Variants in ELOVL5 observed in about 807,000 individuals in gnomAD.
ELOVL5 encodes the protein ELOVL fatty acid elongase 5, also known as very long chain fatty acid elongase 5.
In ELOVL5, 8 loss-of-function variants were observed where a neutral mutation model predicts 38.6. The observed-to-expected ratio is 0.21, with a 90% CI of 0.12 to 0.37. The LOEUF (loss-of-function observed/expected upper bound fraction) is 0.37, where lower values mean the gene tolerates loss of function less well. Among genes scored for constraint, ELOVL5 ranks in the 10% least tolerant of loss-of-function variants. The pLI is 1.00. For synonymous variants in ELOVL5, 127 were observed against 133.7 expected, an observed-to-expected ratio of 0.95 and a Z score of 0.34; for missense variants, 280 against 367.8, an observed-to-expected ratio of 0.76 and a Z score of 1.95.
At chr6:53,273,191 G>T in intron 6 of ELOVL5, 29 bp downstream of exon 6, 1 of 1,612,278 alleles carries the variant, frequency 6.2e-7, no homozygotes, top group Non-Finnish European at 8.5e-7. Context: ...CAGGAAGTAA[G>T]TCCTGGGGAA....
At position 53,275,278 on chromosome 6, in the gene ELOVL5, A is replaced by G; in HGVS notation, c.325-17T>C. 1 of 1,613,302 alleles carries G rather than the reference A, an allele frequency of 6.2e-7. No homozygotes were observed. Among genetic ancestry groups the G allele is most frequent in the Non-Finnish European group, 8.5e-7 (1 of 1,179,250 alleles). Reference sequence around the variant, plus strand: ...ACGGATAATCTAAGAGGAAAGGGTCAAAGATTTAAGGCTTATCCTCACGGC... The same window carrying G: ...ACGGATAATCTAAGAGGAAAGGGTCGAAGATTTAAGGCTTATCCTCACGGC... On this transcript the variant is annotated splice_polypyrimidine_tract_variant and intron_variant, in intron 4 of 7. Transcript: ENST00000304434.
At chr6:53,274,571 C>T (rs996147105) in intron 5 of ELOVL5, among the ~76,000 whole-genome samples, 1 of 152,178 alleles carries the variant, frequency 6.6e-6, no homozygotes, top group African/African-American at 2.4e-5. Context: ...TTTCCAAAAA[C>T]CAAGTACAAC....
chr6:53,295,781 A>T, intron 1 of ELOVL5, 74 bp from the exon 2 acceptor site: 1 of 949,148 alleles, frequency 1.1e-6, no homozygotes, highest in Non-Finnish European at 1.5e-6. Flanking sequence ...TCATAAAAGA[A>T]TAAATTCTTT....
chr6:53,330,361 T>C (rs1001655690), intron 1 of ELOVL5, among the ~76,000 whole-genome samples: 2 of 152,174 alleles, frequency 1.3e-5, no homozygotes, highest in African/African-American at 2.4e-5. Context: ...GGTGAATGAC[T>C]ATGAAGGCCT....
intron 1 of ELOVL5, among the ~76,000 whole-genome samples, chr6:53,320,655 G>A (rs2127587110): frequency 6.6e-6 from 1 of 152,058 alleles, no homozygotes; most frequent in East Asian, 2.0e-4. Flanking sequence ...TTGTTCTAGT[G>A]TCTTTTCTAC....
intron 3 of ELOVL5, among the ~76,000 whole-genome samples, chr6:53,276,629 T>C (rs2127568143): frequency 6.6e-6 from 1 of 152,238 alleles, no homozygotes; most frequent in South Asian, 2.1e-4. Flanking sequence ...CCTAAGCCAG[T>C]GCTCCTCAAA....
intron 1 of ELOVL5, among the ~76,000 whole-genome samples, chr6:53,348,570 CG>C (rs1455468640): frequency 6.6e-6 from 1 of 152,190 alleles, no homozygotes; most frequent in African/African-American, 2.4e-5. Flanking sequence ...TCAGCCTCGG[CG>C]TGGGGCGAGC....
At chr6:53,305,380 ACC>A (rs780282202) in intron 1 of ELOVL5, among the ~76,000 whole-genome samples, 1 of 106,414 alleles carries the variant, frequency 9.4e-6, no homozygotes, top group African/African-American at 4.0e-5. Context: ...GCGGGGGCTG[ACC>A]CCCCCCCACC....
chr6:53,296,588 A>C (rs1767010330), intron 1 of ELOVL5, among the ~76,000 whole-genome samples: 1 of 152,198 alleles, frequency 6.6e-6, no homozygotes, highest in Non-Finnish European at 1.5e-5. Flanking sequence ...AAACTAAAAA[A>C]ACACTATTAT....
intron 3 of ELOVL5, among the ~76,000 whole-genome samples, chr6:53,278,357 T>A (rs1204566501): frequency 6.6e-6 from 1 of 151,994 alleles, no homozygotes; most frequent in East Asian, 1.9e-4. Context: ...GGAGGACAAA[T>A]CCTCTCTTGT....
intron 1 of ELOVL5, among the ~76,000 whole-genome samples, chr6:53,306,856 C>G (rs1767600992): frequency 6.6e-6 from 1 of 152,206 alleles, no homozygotes; most frequent in Non-Finnish European, 1.5e-5. Context: ...ATAATTCACA[C>G]ACAGAATGCT....
chr6:53,312,307 A>G (rs1404828635), intron 1 of ELOVL5, among the ~76,000 whole-genome samples: 1 of 152,212 alleles, frequency 6.6e-6, no homozygotes, highest in African/African-American at 2.4e-5. Flanking sequence ...ATACTCTCCA[A>G]CAGGTGAATT....
At chr6:53,336,435 A>G (rs1255406574) in intron 1 of ELOVL5, among the ~76,000 whole-genome samples, 1 of 152,252 alleles carries the variant, frequency 6.6e-6, no homozygotes, top group Non-Finnish European at 1.5e-5. Flanking sequence ...TGAAGCAGGC[A>G]GACTGCTTGA....
intron 2 of ELOVL5, among the ~76,000 whole-genome samples, chr6:53,295,137 CT>C (rs1399744628): frequency 2.0e-5 from 3 of 152,132 alleles, no homozygotes; most frequent in African/African-American, 7.2e-5. Flanking sequence ...ATACAAAAGA[CT>C]TTAAAAGACT....
At chr6:53,322,924 A>G (rs1458277584) in intron 1 of ELOVL5, among the ~76,000 whole-genome samples, 3 of 152,248 alleles carry the variant, frequency 2.0e-5, no homozygotes, top group Non-Finnish European at 2.9e-5. Flanking sequence ...CTTCAGGATC[A>G]TAACACCATT....
intron 1 of ELOVL5, among the ~76,000 whole-genome samples, chr6:53,303,531 T>C (rs922433286): frequency 1.3e-5 from 2 of 152,224 alleles, no homozygotes; most frequent in African/African-American, 4.8e-5. Flanking sequence ...CCATATATCA[T>C]ACACGAAGGC....
chr6:53,305,032 G>T (rs1272808116), intron 1 of ELOVL5, among the ~76,000 whole-genome samples: 1 of 146,072 alleles, frequency 6.8e-6, no homozygotes, highest in East Asian at 2.1e-4. Flanking sequence ...CCTCCCGGAC[G>T]GGGCGGCTGG....
chr6:53,276,419 C>T (rs953596630), intron 3 of ELOVL5, among the ~76,000 whole-genome samples, 163 bp from the exon 4 acceptor site: 1 of 152,202 alleles, frequency 6.6e-6, no homozygotes, highest in Admixed American at 6.5e-5. Flanking sequence ...AAAAGGAAAG[C>T]TTTAATGACT....
intron 1 of ELOVL5, among the ~76,000 whole-genome samples, chr6:53,339,654 G>A (rs1769238543): frequency 6.6e-6 from 1 of 152,208 alleles, no homozygotes; most frequent in African/African-American, 2.4e-5. Flanking sequence ...TTGTGGTGAT[G>A]TTGGTGTAAA....
Sources: allele counts gnomAD v4.1 joint callset (sites outside exome capture counted in the v4.1 genomes callset), GRCh38; gene constraint gnomAD v4.1.1; transcripts MANE v1.5; gene names NCBI Gene and HGNC (gene_info 2026-07-23, HGNC 2026-07-21).